PPFIBP2: variants seen among roughly 807,000 people sequenced by gnomAD.
PPFIBP2 encodes liprin-beta-2.
In PPFIBP2, 118 loss-of-function variants were observed where a neutral mutation model predicts 118.3. The ratio of observed to expected loss-of-function variants is 1.00; its 90% CI spans 0.86 to 1.16. PPFIBP2 has a LOEUF of 1.16. Among genes scored for constraint, PPFIBP2 ranks in the 50% most tolerant of loss-of-function variants. The pLI is 0.00. For synonymous variants in PPFIBP2, 414 were observed against 397.4 expected (o/e 1.04, Z -0.50); for missense variants, 1,195 against 1,073.1 (o/e 1.11, Z -1.59).
Position 7,606,886 on chromosome 11 carries a change from A to ATTTTTTTTTTTTTTTTT in PPFIBP2, c.487-3379_487-3363dup, listed in dbSNP as rs529585905. The stretch of plus-strand genomic sequence containing the variant: ...CTGATCAGAAGACAAAACTGCATGA[A>ATTTTTTTTTTTTTTTTT]TTTTTTTTTTTTTTTTTTTTTTTTT... On this transcript the variant is annotated intron_variant, in intron 5 of 23. Coordinates refer to ENST00000299492, the MANE Select transcript of PPFIBP2 (RefSeq NM_003621.5). Among the ~76,000 whole-genome samples, 20 of 51,440 alleles carry ATTTTTTTTTTTTTTTTT rather than the reference A, an allele frequency of 3.9e-4. 7 individuals carry two copies. The highest frequency in any genetic ancestry group is 5.9e-4 in the Non-Finnish European group (16 of 26,918). The allele number at this position is 51,440 out of a possible 152,430, so 33.7% of individuals were successfully genotyped here. A position where few individuals can be genotyped will look rare whatever the true frequency, so the allele number is the denominator to read the frequency against.
chr11:7,610,971 A>T (rs978641521), intron 6 of PPFIBP2, among the ~76,000 whole-genome samples: 2 of 152,218 alleles, frequency 1.3e-5, no homozygotes, highest in Non-Finnish European at 2.9e-5. Context: ...TGGCTGGAAC[A>T]TGCCAGACTC....
chr11:7,554,742 T>G (rs991824121), intron 2 of PPFIBP2, among the ~76,000 whole-genome samples: 4 of 151,770 alleles, frequency 2.6e-5, no homozygotes, highest in African/African-American at 9.7e-5. Context: ...ATGAAACTCC[T>G]TGTAAAGTTG....
chr11:7,528,736 A>C lies in PPFIBP2; in HGVS notation c.-37+14615A>C, dbSNP rs537137011. 2.0e-5 allele frequency among the ~76,000 whole-genome samples: 3 copies of C among 152,246 alleles called. No individual in the cohort carries two copies. The South Asian group carries it at 6.2e-4, about 32-fold the overall frequency. ...GCAGGGGTGTAGAGTGGGTGCTGGG[A>C]TACCTGCATGAAAGGACAACATTGT... On this transcript the variant is annotated intron_variant, in intron 1 of 23. Coordinates refer to ENST00000299492, the MANE Select transcript of PPFIBP2 (RefSeq NM_003621.5).
At chr11:7,665,540 T>C in the PPFIBP2 span, 1 of 1,601,880 alleles carries the variant, frequency 6.2e-7, no homozygotes. Context: ...TGAGCTGTAC[T>C]TCCAGCCTGA....
At chr11:7,663,134 T>G in the PPFIBP2 span, among the ~76,000 whole-genome samples, 2 of 131,352 alleles carry the variant, frequency 1.5e-5, 1 homozygote. Context: ...GTCTGAAGCC[T>G]TCTTCTCTCA....
At chr11:7,627,082 A>G (rs1654302343) in intron 8 of PPFIBP2, among the ~76,000 whole-genome samples, 1 of 152,214 alleles carries the variant, frequency 6.6e-6, no homozygotes. Context: ...CACAACTTCT[A>G]GGCCAGGCAG....
the PPFIBP2 span, chr11:7,665,975 A>T: frequency 6.8e-7 from 1 of 1,467,820 alleles, no homozygotes; most frequent in Non-Finnish European, 9.2e-7. Context: ...GAGCAGTGTG[A>T]GAGGCGCGCC....
Position 7,629,549 on chromosome 11 carries a change from G to A in PPFIBP2, c.964+15G>A, listed in dbSNP as rs776276124. On this transcript the variant is annotated intron_variant, in intron 10 of 23. Transcript: ENST00000299492. ...GGTCACTCAAGGTAAGAGCAAGGGC[G>A]ATCCTACCGTTGTCTCTGAAAGATA... is the stretch of plus-strand genomic sequence containing the variant. The A allele has an allele frequency of 4.3e-6, 7 of 1,612,188 alleles. No homozygotes were observed. Among genetic ancestry groups the A allele is most frequent in the East Asian group, 2.2e-5 (1 of 44,878 alleles).
At chr11:7,643,648 C>G (rs897051212) in intron 17 of PPFIBP2, among the ~76,000 whole-genome samples, 1 of 152,180 alleles carries the variant, frequency 6.6e-6, no homozygotes, top group African/African-American at 2.4e-5. Flanking sequence ...GGCCTTGTGA[C>G]TCTTAACTAG....
intron 14 of PPFIBP2, among the ~76,000 whole-genome samples, chr11:7,637,891 C>T (rs1351547771): frequency 5.3e-5 from 8 of 152,318 alleles, no homozygotes; most frequent in African/African-American, 1.9e-4. Context: ...CCTTGCATCT[C>T]AGCTCCTCAG....
At chr11:7,548,247 G>A (rs1240498448) in intron 1 of PPFIBP2, 2 of 152,224 alleles carry the variant, frequency 1.3e-5, no homozygotes, top group Non-Finnish European at 2.9e-5. Flanking sequence ...GTCCGGTGTG[G>A]TTCCTTGGTC....
rs563241680 is a variant in PPFIBP2, at chr11:7,607,354, G to A, written c.487-2937G>A. On this transcript the variant is annotated intron_variant, in intron 5 of 23. Transcript: ENST00000299492. ...TCTCAAGTAGCTGGAACTACTTGAG[G>A]CCCATGCCACCACGGGTGCTAATTT... Among the ~76,000 whole-genome samples the A allele has an allele frequency of 2.0e-5, 3 of 150,032 alleles. No individual in the cohort carries two copies. In the East Asian group the frequency reaches 5.9e-4, roughly 29 times the overall value.
At chr11:7,536,964 G>A (rs555086998) in intron 1 of PPFIBP2, among the ~76,000 whole-genome samples, 1 of 152,144 alleles carries the variant, frequency 6.6e-6, no homozygotes, top group African/African-American at 2.4e-5. Context: ...GACCTGAAGT[G>A]GGCAGGTAGA....
chr11:7,648,675 G>T, intron 18 of PPFIBP2, 125 bp from the exon 19 acceptor site: 1 of 1,430,876 alleles, frequency 7.0e-7, no homozygotes, highest in East Asian at 2.3e-5. Context: ...CTGCAGGTTG[G>T]CATCCCAGGG....
chr11:7,661,146 C>T (rs1472327322), downstream of PPFIBP2, among the ~76,000 whole-genome samples: 4 of 151,158 alleles, frequency 2.6e-5, no homozygotes, highest in Admixed American at 6.6e-5. Context: ...TCTCTATTTC[C>T]TTCAGTTCTG....
intron 2 of PPFIBP2, among the ~76,000 whole-genome samples, chr11:7,558,509 A>T (rs985854597): frequency 6.6e-6 from 1 of 152,232 alleles, no homozygotes; most frequent in South Asian, 2.1e-4. Flanking sequence ...ATATCCCAGC[A>T]CTTTGGGAGG....
Position 7,594,781 on chromosome 11 carries a change from G to T in PPFIBP2, c.372+1557G>T, listed in dbSNP as rs1291025959. ...AAAATACAAAAATAAGCCAGGCATG[G>T]TGATGGGTGCCTGTAATCCCAGCTA... On this transcript the variant is annotated intron_variant, in intron 4 of 23. Transcript: ENST00000299492. 2.0e-5 allele frequency among the ~76,000 whole-genome samples: 3 copies of T among 151,992 alleles called. No individual in the cohort carries two copies. The East Asian group carries it at 5.8e-4, about 29-fold the overall frequency.
chr11:7,607,546 T>C (rs1049779706), intron 5 of PPFIBP2, among the ~76,000 whole-genome samples: 4 of 152,142 alleles, frequency 2.6e-5, no homozygotes, highest in Non-Finnish European at 2.9e-5. Context: ...AAGTACTCAA[T>C]AGTGGCTTTG....
chr11:7,574,868 T>C (rs780103835), intron 3 of PPFIBP2, among the ~76,000 whole-genome samples: 9 of 152,232 alleles, frequency 5.9e-5, no homozygotes, highest in Non-Finnish European at 8.8e-5. Flanking sequence ...AAGTAAAATG[T>C]ACTTGGTGTT....
Sources: gnomAD v4.1 joint callset for allele counts (sites outside exome capture counted in the v4.1 genomes callset) on GRCh38, gnomAD v4.1.1 for gene constraint, MANE v1.5 for transcripts, NCBI Gene and HGNC (gene_info 2026-07-23, HGNC 2026-07-21) for gene names.